RBFOX1: variants seen among roughly 807,000 people sequenced by gnomAD.
The protein encoded by RBFOX1 is RNA binding fox-1 homolog 1.
In RBFOX1, 8 loss-of-function variants were observed where a neutral mutation model predicts 57.7. The ratio of observed to expected loss-of-function variants is 0.14; its 90% CI spans 0.08 to 0.25. RBFOX1 has a LOEUF of 0.25. Among genes scored for constraint, RBFOX1 ranks in the 10% least tolerant of loss-of-function variants. The pLI is 1.00. For missense variants in RBFOX1, 611 were observed against 548.5 expected (o/e 1.11, Z -1.14); for synonymous variants, 326 against 222.4 (o/e 1.47, Z -4.15).
intron 2 of RBFOX1, among the ~76,000 whole-genome samples, chr16:6,371,879 C>G (rs1226474391): frequency 6.6e-6 from 1 of 152,196 alleles, no homozygotes. Flanking sequence ...TCTGATATCA[C>G]TTGTTATTAC....
intron 1 of RBFOX1, among the ~76,000 whole-genome samples, chr16:5,331,863 C>G (rs1302362050): frequency 6.6e-6 from 1 of 152,244 alleles, no homozygotes; most frequent in Non-Finnish European, 1.5e-5. Context: ...GCACCAACCC[C>G]TGTGTTCCAG....
At chr16:5,670,598 C>G (rs946962576) in intron 3 of RBFOX1, among the ~76,000 whole-genome samples, 4 of 152,218 alleles carry the variant, frequency 2.6e-5, no homozygotes, top group Non-Finnish European at 4.4e-5. Flanking sequence ...AAAGAGACAA[C>G]TGTCACTCTG....
At chr16:7,703,558 A>G (rs890818300) in intron 14 of RBFOX1, among the ~76,000 whole-genome samples, 1 of 152,214 alleles carries the variant, frequency 6.6e-6, no homozygotes, top group Admixed American at 6.5e-5. Context: ...GAAATTAATT[A>G]GTGTTCTTAC....
chr16:7,523,634 C>A (rs1193549129), intron 5 of RBFOX1, among the ~76,000 whole-genome samples: 4 of 152,082 alleles, frequency 2.6e-5, no homozygotes, highest in African/African-American at 9.7e-5. Flanking sequence ...GGAAAGACAG[C>A]CATTAGGGGC....
intron 1 of RBFOX1, chr16:5,240,107 T>TA (rs2062125201): frequency 1.3e-6 from 2 of 1,511,848 alleles, no homozygotes; most frequent in African/African-American, 2.8e-5. Flanking sequence ...GGCAGAGGAG[T>TA]AAGTGACGCG....
At chr16:5,824,193 G>A (rs750858846) in intron 3 of RBFOX1, among the ~76,000 whole-genome samples, 9 of 152,300 alleles carry the variant, frequency 5.9e-5, no homozygotes, top group South Asian at 2.1e-4. Context: ...AATTTTCTCC[G>A]GGCCCAGGAC....
chr16:6,545,110 G>A (rs1031143058), intron 2 of RBFOX1, among the ~76,000 whole-genome samples: 4 of 152,138 alleles, frequency 2.6e-5, no homozygotes, highest in African/African-American at 7.2e-5. Context: ...TCCTCCAAAT[G>A]ATATCTAAAA....
intron 1 of RBFOX1, among the ~76,000 whole-genome samples, chr16:5,435,982 C>T (rs1187757126): frequency 6.6e-6 from 1 of 152,174 alleles, no homozygotes; most frequent in Non-Finnish European, 1.5e-5. Flanking sequence ...AGATTTTAAG[C>T]ACATAGCTCT....
chr16:6,437,697 C>T (rs752907382), intron 2 of RBFOX1, among the ~76,000 whole-genome samples: 1 of 152,156 alleles, frequency 6.6e-6, no homozygotes, highest in Non-Finnish European at 1.5e-5. Context: ...AGGAAACTTA[C>T]AATCATGGTG....
At chr16:6,191,551 C>G (rs1388615775) in intron 1 of RBFOX1, among the ~76,000 whole-genome samples, 2 of 152,056 alleles carry the variant, frequency 1.3e-5, no homozygotes, top group Non-Finnish European at 2.9e-5. Context: ...TGAATGCATT[C>G]TTTATTGGAG....
At chr16:7,242,486 A>T (rs901509291) in intron 4 of RBFOX1, among the ~76,000 whole-genome samples, 7 of 152,182 alleles carry the variant, frequency 4.6e-5, no homozygotes, top group Non-Finnish European at 1.5e-5. Flanking sequence ...ATTTATAGAT[A>T]CAGTGTACCT....
intron 4 of RBFOX1, among the ~76,000 whole-genome samples, chr16:7,243,171 G>T (rs189717358): frequency 1.2e-4 from 19 of 152,240 alleles, no homozygotes; most frequent in East Asian, 1.9e-4. Flanking sequence ...AAATCAGAAA[G>T]TGAATGTTCA....
chr16:5,712,343 T>C (rs572210848), intron 3 of RBFOX1, among the ~76,000 whole-genome samples: 2 of 152,150 alleles, frequency 1.3e-5, no homozygotes, highest in Non-Finnish European at 2.9e-5. Flanking sequence ...ATTAGAAATA[T>C]TATATTTATT....
intron 2 of RBFOX1, among the ~76,000 whole-genome samples, chr16:5,523,234 C>A (rs573856227): frequency 6.6e-6 from 1 of 151,790 alleles, no homozygotes; most frequent in Non-Finnish European, 1.5e-5. Context: ...TACAGTGAGC[C>A]GAGATCGCGC....
In RBFOX1 at chr16:6,100,213, A is replaced by G. The variant is rs563035691; in HGVS notation, c.-127+80221A>G. On this transcript the variant is annotated intron_variant, in intron 1 of 15. Coordinates refer to ENST00000550418, the MANE Select transcript of RBFOX1 (RefSeq NM_018723.4). ...AGTCTTGCTCTGTCACCCAGGCTGG[A>G]GTGCAGTGGCCCGATCTCGGCTCAC... Among the ~76,000 whole-genome samples the G allele has an allele frequency of 1.6e-4, 24 of 151,784 alleles. No homozygotes were observed. The South Asian group carries it at 5.0e-3, about 32-fold the overall frequency.
intron 14 of RBFOX1, among the ~76,000 whole-genome samples, chr16:7,680,732 G>A (rs951649155): frequency 6.6e-6 from 1 of 152,110 alleles, no homozygotes; most frequent in African/African-American, 2.4e-5. Context: ...AGGCCTTAAA[G>A]TTTCACTGCT....
chr16:7,709,926 A>C (rs1373846503), intron 15 of RBFOX1: 3 of 1,040,572 alleles, frequency 2.9e-6, no homozygotes, highest in African/African-American at 1.7e-5. Flanking sequence ...CAAGAATATC[A>C]GTCCTTACCC....
At chr16:6,381,632 A>G (rs2091825982) in intron 2 of RBFOX1, among the ~76,000 whole-genome samples, 4 of 152,200 alleles carry the variant, frequency 2.6e-5, no homozygotes, top group Admixed American at 2.6e-4. Flanking sequence ...TGGGTCATTG[A>G]ACAGGAGCTC....
At chr16:5,766,130 C>G (rs912432111) in intron 3 of RBFOX1, among the ~76,000 whole-genome samples, 1 of 152,158 alleles carries the variant, frequency 6.6e-6, no homozygotes, top group Non-Finnish European at 1.5e-5. Context: ...AGCATTGAGG[C>G]TGAATGCCAT....
Sources: gnomAD v4.1 joint callset for allele counts (sites outside exome capture counted in the v4.1 genomes callset) on GRCh38, gnomAD v4.1.1 for gene constraint, MANE v1.5 for transcripts, NCBI Gene and HGNC (gene_info 2026-07-23, HGNC 2026-07-21) for gene names.